Variants in WDR70 observed in about 807,000 individuals in gnomAD.
The protein encoded by WDR70 is WD repeat domain 70, also known as WD repeat-containing protein 70.
A neutral mutation model predicts 88.6 loss-of-function variants in WDR70; 53 were observed. The ratio of observed to expected loss-of-function variants is 0.60; its 90% CI spans 0.48 to 0.75. The LOEUF is 0.75. Ranked by LOEUF, WDR70 falls within the 30% of genes least tolerant of loss-of-function variation. WDR70 has a pLI of 0.00. For synonymous variants in WDR70, 280 were observed against 270.0 expected (o/e 1.04, Z -0.36); for missense variants, 610 against 823.2 (o/e 0.74, Z 3.17).
intron 9 of WDR70, among the ~76,000 whole-genome samples, chr5:37,549,193 A>G (rs893389222): frequency 2.0e-5 from 3 of 152,234 alleles, no homozygotes; most frequent in Admixed American, 2.0e-4. Context: ...GTATTTCGAT[A>G]GGGATTGCAT....
At position 37,561,613 on chromosome 5, in the gene WDR70, C is replaced by A. The variant is rs551851688; in HGVS notation, c.918-43451C>A. Among the ~76,000 whole-genome samples, 13 of 152,210 alleles carry A rather than the reference C, an allele frequency of 8.5e-5. No individual in the cohort carries two copies. In the South Asian group the frequency reaches 2.5e-3, roughly 29 times the overall value. ...GCATGGTGCTAAAGCTTGTTTTATCCCCAACAAGGACAGGATCTGGTGTAG... is the reference window on the plus strand; with the variant it reads ...GCATGGTGCTAAAGCTTGTTTTATCACCAACAAGGACAGGATCTGGTGTAG... On this transcript the variant is annotated intron_variant, in intron 9 of 17. Coordinates refer to ENST00000265107, the MANE Select transcript of WDR70 (RefSeq NM_018034.4).
chr5:37,734,678 G>T (rs1216960839), intron 17 of WDR70, among the ~76,000 whole-genome samples: 1 of 152,142 alleles, frequency 6.6e-6, no homozygotes, highest in East Asian at 1.9e-4. Context: ...ACAGTGGTCA[G>T]GGAAGAACGT....
At chr5:37,404,246 A>G (rs1415072615) in intron 5 of WDR70, among the ~76,000 whole-genome samples, 1 of 152,164 alleles carries the variant, frequency 6.6e-6, no homozygotes, top group Non-Finnish European at 1.5e-5. Flanking sequence ...TGTTTACTTA[A>G]TCACAGTTGG....
chr5:37,726,123 AAGACC>A (rs1240099293), intron 16 of WDR70, among the ~76,000 whole-genome samples: 4 of 152,102 alleles, frequency 2.6e-5, no homozygotes, highest in Non-Finnish European at 4.4e-5. Flanking sequence ...CTCTTTCATA[AAGACC>A]TGTTCAACCA....
At chr5:37,595,519 A>G (rs1361259362) in intron 9 of WDR70, among the ~76,000 whole-genome samples, 2 of 152,166 alleles carry the variant, frequency 1.3e-5, no homozygotes, top group African/African-American at 4.8e-5. Context: ...TTCTTCCCAA[A>G]TTCATGTTTA....
chr5:37,673,583 A>ACCC (rs139281997), intron 10 of WDR70, among the ~76,000 whole-genome samples: 9,359 of 75,784 alleles, frequency 0.12, 627 homozygotes, highest in East Asian at 0.19. Flanking sequence ...GACTTTTCTT[A>ACCC]CCCCCCCCCC....
chr5:37,435,987 G>C (rs1581276143), intron 5 of WDR70, among the ~76,000 whole-genome samples: 1 of 151,920 alleles, frequency 6.6e-6, no homozygotes, highest in East Asian at 1.9e-4. Context: ...GTGGTGGTGG[G>C]GGAGATAGGT....
chr5:37,445,620 C>T (rs1047295220), intron 7 of WDR70, among the ~76,000 whole-genome samples: 1 of 152,116 alleles, frequency 6.6e-6, no homozygotes, highest in African/African-American at 2.4e-5. Context: ...CCCTGGGATG[C>T]AAAGCTGGCT....
chr5:37,527,456 TCCTTATA>T (rs1170229695), intron 9 of WDR70, among the ~76,000 whole-genome samples: 9 of 152,198 alleles, frequency 5.9e-5, no homozygotes, highest in Non-Finnish European at 1.0e-4. Context: ...CTGGATCCCT[TCCTTATA>T]CCTTATACAA....
chr5:37,594,814 G>A (rs1190747306), intron 9 of WDR70, among the ~76,000 whole-genome samples: 5 of 151,888 alleles, frequency 3.3e-5, no homozygotes, highest in Non-Finnish European at 5.9e-5. Context: ...TTTATATTTC[G>A]TTGAGCAGTG....
At chr5:37,423,048 G>A (rs759671065) in intron 5 of WDR70, among the ~76,000 whole-genome samples, 2 of 152,136 alleles carry the variant, frequency 1.3e-5, no homozygotes, top group Non-Finnish European at 2.9e-5. Flanking sequence ...GAATAGTATT[G>A]TAGAGAGCAG....
chr5:37,561,664 G>A (rs190960862), intron 9 of WDR70, among the ~76,000 whole-genome samples: 114 of 152,258 alleles, frequency 7.5e-4, no homozygotes, highest in African/African-American at 2.6e-3. Flanking sequence ...AGGCCATGTC[G>A]TTATGAGGGT....
intron 7 of WDR70, among the ~76,000 whole-genome samples, chr5:37,449,316 G>A (rs1343184551): frequency 6.6e-6 from 1 of 152,050 alleles, no homozygotes; most frequent in Non-Finnish European, 1.5e-5. Flanking sequence ...TCCAGGCCGG[G>A]CGCAGTGGCT....
At chr5:37,517,499 C>G (rs1466947427) in intron 9 of WDR70, among the ~76,000 whole-genome samples, 1 of 151,954 alleles carries the variant, frequency 6.6e-6, no homozygotes. Context: ...TCCCAAGTAG[C>G]TGGAATTACA....
At chr5:37,496,996 G>A (rs1246419830) in intron 8 of WDR70, among the ~76,000 whole-genome samples, 1 of 152,186 alleles carries the variant, frequency 6.6e-6, no homozygotes, top group Non-Finnish European at 1.5e-5. Context: ...CTCAAAGGCT[G>A]GGCATGTCTT....
At chr5:37,552,175 G>A (rs916918181) in intron 9 of WDR70, among the ~76,000 whole-genome samples, 1 of 152,010 alleles carries the variant, frequency 6.6e-6, no homozygotes, top group African/African-American at 2.4e-5. Context: ...TGTATAGAGG[G>A]CACAGTACTT....
chr5:37,396,421 G>C lies in WDR70; in HGVS notation c.343G>C (p.Asp115His), dbSNP rs1466102342. 12 of 1,613,700 alleles carry C rather than the reference G, an allele frequency of 7.4e-6. No individual in the cohort carries two copies. The highest frequency in any genetic ancestry group is 2.7e-5 in the African/African-American group (2 of 74,898). Residue 115 changes from aspartate (D) to histidine (H), a missense_variant, in exon 5 of 18, where the codon GAT (aspartate) becomes CAT (histidine). Coordinates refer to ENST00000265107, the MANE Select transcript of WDR70 (RefSeq NM_018034.4). ...TGAACAGAGTTCTGACTCTTCTGATGATGAGTTAATTGGCCCTCCTTTACC... is the reference window on the plus strand; with the variant it reads ...TGAACAGAGTTCTGACTCTTCTGATCATGAGTTAATTGGCCCTCCTTTACC... ...ESEQSSDSSD[D>H]ELIGPPLPPK...
intron 17 of WDR70, among the ~76,000 whole-genome samples, chr5:37,738,030 A>T (rs890028331): frequency 2.7e-4 from 14 of 52,542 alleles, no homozygotes; most frequent in East Asian, 7.4e-4. Context: ...CCTAATATTT[A>T]AAAAAAAAAA....
At chr5:37,477,374 C>T (rs1028359577) in intron 7 of WDR70, among the ~76,000 whole-genome samples, 2 of 152,174 alleles carry the variant, frequency 1.3e-5, no homozygotes, top group South Asian at 2.1e-4. Context: ...TATCCCTGTC[C>T]TGTTACCTTC....
Sources: allele counts gnomAD v4.1 joint callset (sites outside exome capture counted in the v4.1 genomes callset), GRCh38; gene constraint gnomAD v4.1.1; transcripts MANE v1.5; gene names NCBI Gene and HGNC (gene_info 2026-07-23, HGNC 2026-07-21).